The following ABCG2 variants were observed in gnomAD, a reference collection of about 807,000 sequenced individuals.
ABCG2 encodes broad substrate specificity ATP-binding cassette transporter ABCG2.
ABCG2 carries 80 observed loss-of-function variants against 73.5 expected under a neutral mutation model. That is an observed-to-expected ratio of 1.09 (90% CI 0.91 to 1.31). ABCG2 has a LOEUF of 1.31. Among genes scored for constraint, ABCG2 ranks in the 50% most tolerant of loss-of-function variants. The pLI is 0.00. For synonymous variants in ABCG2, 269 were observed against 282.4 expected (o/e 0.95, Z 0.48); for missense variants, 796 against 786.2 (o/e 1.01, Z -0.15).
At chr4:88,214,222 G>A (rs1729716513) in intron 1 of ABCG2, among the ~76,000 whole-genome samples, 1 of 151,804 alleles carries the variant, frequency 6.6e-6, no homozygotes, top group African/African-American at 2.4e-5. Context: ...TCGGGCTCCA[G>A]CAGTGTACCC....
chr4:88,109,295 G>T (rs1475436103), intron 9 of ABCG2, among the ~76,000 whole-genome samples: 2 of 152,108 alleles, frequency 1.3e-5, no homozygotes, highest in African/African-American at 2.4e-5. Context: ...ACCATGCCCG[G>T]CCCAGACTTT....
At chr4:88,129,129 C>T (rs1408160381) in intron 5 of ABCG2, among the ~76,000 whole-genome samples, 1 of 152,110 alleles carries the variant, frequency 6.6e-6, no homozygotes, top group Non-Finnish European at 1.5e-5. Flanking sequence ...GGTGGACTTA[C>T]AATAAGAGCA....
intron 15 of ABCG2, among the ~76,000 whole-genome samples, chr4:88,093,291 G>T (rs1721763865): frequency 6.6e-6 from 1 of 152,074 alleles, no homozygotes; most frequent in African/African-American, 2.4e-5. Flanking sequence ...GGATCACGAG[G>T]TCAGGAGACG....
rs1207940249 is a variant in ABCG2 at position 88,190,206 on chromosome 4, A to G, written c.-20+40788T>C. ...ATTTCTATTATTAAAGCCTGTTTTT[A>G]TAGAGTTCAGAGTTCTTCCTTCCTT... On this transcript the variant is annotated intron_variant, in intron 1 of 15. Transcript: ENST00000515655. Among the ~76,000 whole-genome samples the G allele has an allele frequency of 2.0e-5, 3 of 152,182 alleles. No individual in the cohort carries two copies. In the South Asian group the frequency reaches 6.2e-4, roughly 32 times the overall value.
chr4:88,211,367 C>T (rs1178410872), intron 1 of ABCG2, among the ~76,000 whole-genome samples: 1 of 127,468 alleles, frequency 7.8e-6, no homozygotes, highest in African/African-American at 2.8e-5. Context: ...TGCCCCACCC[C>T]CCCCCACTTT....
At chr4:88,197,995 A>G (rs182780532) in intron 1 of ABCG2, among the ~76,000 whole-genome samples, 7 of 147,368 alleles carry the variant, frequency 4.8e-5, no homozygotes, top group Non-Finnish European at 1.0e-4. Flanking sequence ...GCACCACTGC[A>G]CTCCAGCCTG....
At chr4:88,206,494 G>A (rs1729387798) in intron 1 of ABCG2, 3 of 152,060 alleles carry the variant, frequency 2.0e-5, no homozygotes, top group South Asian at 2.1e-4. Flanking sequence ...TGTCAGGCCC[G>A]AGGGCCTCTT....
intron 10 of ABCG2, among the ~76,000 whole-genome samples, chr4:88,103,396 A>C (rs1291085948): frequency 6.6e-6 from 1 of 152,206 alleles, no homozygotes; most frequent in Non-Finnish European, 1.5e-5. Flanking sequence ...GGTAATCCAC[A>C]TCTGTTATAT....
chr4:88,163,359 T>G (rs1310790574), upstream of ABCG2, among the ~76,000 whole-genome samples: 1 of 152,198 alleles, frequency 6.6e-6, no homozygotes, highest in Non-Finnish European at 1.5e-5. Flanking sequence ...AGCTAGAGGC[T>G]ATCTTAGGGT....
intron 5 of ABCG2, among the ~76,000 whole-genome samples, chr4:88,130,480 A>C (rs1297020367): frequency 1.3e-5 from 2 of 151,994 alleles, no homozygotes; most frequent in African/African-American, 2.4e-5. Flanking sequence ...ATTACAATGA[A>C]ATAATAATAG....
chr4:88,151,614 C>T (rs182325411), intron 1 of ABCG2, among the ~76,000 whole-genome samples: 75 of 151,976 alleles, frequency 4.9e-4, no homozygotes, highest in African/African-American at 1.6e-3. Flanking sequence ...GGAGGGGCGC[C>T]GGTAGTCCCA....
chr4:88,099,816 C>T (rs765575453), intron 11 of ABCG2, among the ~76,000 whole-genome samples: 17 of 152,066 alleles, frequency 1.1e-4, no homozygotes, highest in East Asian at 3.9e-4. Flanking sequence ...CTTCAGTAGC[C>T]GATTTTGGCA....
At chr4:88,209,192 T>A (rs990260788) in intron 1 of ABCG2, among the ~76,000 whole-genome samples, 1 of 146,308 alleles carries the variant, frequency 6.8e-6, no homozygotes, top group Non-Finnish European at 1.5e-5. Context: ...CACCTACAAT[T>A]CTAGCTACTC....
At chr4:88,124,158 A>C (rs1457021724) in intron 5 of ABCG2, among the ~76,000 whole-genome samples, 1 of 152,232 alleles carries the variant, frequency 6.6e-6, no homozygotes, top group East Asian at 1.9e-4. Context: ...GAGTTCCTCA[A>C]GGAAGCACTA....
At chr4:88,112,192 T>G (rs1289458940) in intron 9 of ABCG2, among the ~76,000 whole-genome samples, 1 of 152,248 alleles carries the variant, frequency 6.6e-6, no homozygotes, top group Non-Finnish European at 1.5e-5. Context: ...TATCTCATTT[T>G]GATTAACAGA....
chr4:88,149,128 T>C (rs1005713071), intron 1 of ABCG2, among the ~76,000 whole-genome samples: 6 of 152,014 alleles, frequency 3.9e-5, no homozygotes, highest in Non-Finnish European at 8.8e-5. Context: ...GGAAGGGGGA[T>C]CCCTTGAGCC....
In ABCG2 at chr4:88,118,278, C is replaced by A. The variant is rs1723738835; in HGVS notation, c.690-18G>T. The A allele has an allele frequency of 6.2e-7, 1 of 1,611,946 alleles. No individual in the cohort carries two copies. Among genetic ancestry groups the A allele is most frequent in the East Asian group, 2.2e-5 (1 of 44,852 alleles). ...TAGACATCCTAAGTTAAAAGTGAGA[C>A]AATACTAAGTCATTAAATATCTGAA... On this transcript the variant is annotated intron_variant, in intron 6 of 15. Transcript: ENST00000237612.
intron 12 of ABCG2, among the ~76,000 whole-genome samples, chr4:88,098,615 T>TAC (rs1186981442): frequency 1.3e-5 from 2 of 148,474 alleles, no homozygotes; most frequent in Non-Finnish European, 3.0e-5. Flanking sequence ...TGTGTGTATA[T>TAC]ATATATACAT....
At chr4:88,225,156 AC>A (rs1730157959) in intron 1 of ABCG2, among the ~76,000 whole-genome samples, 1 of 152,118 alleles carries the variant, frequency 6.6e-6, no homozygotes, top group Non-Finnish European at 1.5e-5. Flanking sequence ...GGGTTGGTAA[AC>A]TTTTTTTTGT....
Sources: gnomAD v4.1 joint callset for allele counts (sites outside exome capture counted in the v4.1 genomes callset) on GRCh38, gnomAD v4.1.1 for gene constraint, MANE v1.5 for transcripts, NCBI Gene and HGNC (gene_info 2026-07-23, HGNC 2026-07-21) for gene names.